BANP: variants seen among roughly 807,000 people sequenced by gnomAD.
BANP encodes BTG3 associated nuclear protein.
BANP carries 11 observed loss-of-function variants against 68.1 expected under a neutral mutation model. The ratio of observed to expected loss-of-function variants is 0.16; its 90% CI spans 0.10 to 0.27. The LOEUF is 0.27. BANP is among the 10% of genes least tolerant of loss of function. The pLI is 1.00. For synonymous variants in BANP, 329 were observed against 303.2 expected, an observed-to-expected ratio of 1.09 and a Z score of -0.88; for missense variants, 504 against 722.7, an observed-to-expected ratio of 0.70 and a Z score of 3.47.
intron 8 of BANP, among the ~76,000 whole-genome samples, chr16:88,032,479 G>A (rs1283393220): frequency 6.6e-6 from 1 of 152,214 alleles, no homozygotes; most frequent in Non-Finnish European, 1.5e-5. Flanking sequence ...TGGGATTACA[G>A]GTGTGAGCCA....
intron 11 of BANP, among the ~76,000 whole-genome samples, chr16:88,051,499 T>G (rs576615325): frequency 1.2e-4 from 19 of 152,292 alleles, no homozygotes; most frequent in Admixed American, 1.2e-3. Context: ...AGTAGGCACA[T>G]GGGAAGTGCG....
At chr16:87,956,289 C>T (rs2058039636) in intron 1 of BANP, among the ~76,000 whole-genome samples, 1 of 152,212 alleles carries the variant, frequency 6.6e-6, no homozygotes, top group African/African-American at 2.4e-5. Context: ...GGAAAGACTT[C>T]TTGGGGAAAG....
chr16:88,019,764 G>T lies in BANP; in HGVS notation c.895+1097G>T, dbSNP rs954790676. ...GGGCCAGCTGTTCCAGCAGGAAAGA[G>T]CCTTGCTCCTCTGGGAAGCACAGTG... is the stretch of plus-strand genomic sequence containing the variant. On this transcript the variant is annotated intron_variant, in intron 7 of 13. Coordinates refer to ENST00000682872, the MANE Select transcript of BANP (RefSeq NM_001386991.1). Among the ~76,000 whole-genome samples, 35 of 151,946 alleles carry T rather than the reference G, an allele frequency of 2.3e-4. 1 individual carries two copies. Among genetic ancestry groups the T allele is most frequent in the Middle Eastern group, 3.4e-3 (1 of 290 alleles).
chr16:88,058,153 G>A (rs1009009366), intron 11 of BANP, among the ~76,000 whole-genome samples: 2 of 152,192 alleles, frequency 1.3e-5, no homozygotes, highest in Non-Finnish European at 2.9e-5. Flanking sequence ...GCCCGTGCCT[G>A]GTTAAAACGT....
chr16:87,953,850 G>C (rs2057489642), intron 1 of BANP, among the ~76,000 whole-genome samples: 1 of 152,134 alleles, frequency 6.6e-6, no homozygotes, highest in South Asian at 2.1e-4. Flanking sequence ...TCTGTAGCTG[G>C]GTATGTTCAG....
chr16:87,986,603 G>GATGCTTTGGCCCAGGGTCCTC (rs1878106360), intron 4 of BANP, among the ~76,000 whole-genome samples: 3 of 152,200 alleles, frequency 2.0e-5, no homozygotes, highest in Admixed American at 1.3e-4. Flanking sequence ...CTCCTCTGGG[G>GATGCTTTGGCCCAGGGTCCTC]CTGCTTTGGC....
chr16:88,034,890 A>C (rs986904886), intron 9 of BANP, among the ~76,000 whole-genome samples: 2 of 152,176 alleles, frequency 1.3e-5, no homozygotes, highest in African/African-American at 4.8e-5. Flanking sequence ...ATTAGATGAG[A>C]AACTCCAGAA....
At chr16:88,040,595 C>G (rs1267203405) in intron 11 of BANP, among the ~76,000 whole-genome samples, 3 of 152,208 alleles carry the variant, frequency 2.0e-5, no homozygotes, top group African/African-American at 7.2e-5. Flanking sequence ...CCTCTCCTCC[C>G]CACCCCCATG....
At chr16:88,070,565 G>C (rs910250145) in intron 12 of BANP, among the ~76,000 whole-genome samples, 2 of 152,138 alleles carry the variant, frequency 1.3e-5, no homozygotes, top group Non-Finnish European at 2.9e-5. Context: ...TGGCTGGCAG[G>C]GTTGCCAGGC....
chr16:87,958,543 C>G (rs988199848), intron 1 of BANP, among the ~76,000 whole-genome samples: 1 of 152,054 alleles, frequency 6.6e-6, no homozygotes, highest in Non-Finnish European at 1.5e-5. Flanking sequence ...TTTTAAAAGG[C>G]CATCCACTGG....
At chr16:88,053,843 C>A (rs1410362563) in intron 11 of BANP, among the ~76,000 whole-genome samples, 8,415 of 106,416 alleles carry the variant, frequency 0.079, 9 homozygotes, top group Non-Finnish European at 0.13. Context: ...ACCTTAACAA[C>A]CACTACCACC....
chr16:87,956,247 T>C (rs762649930), intron 1 of BANP, among the ~76,000 whole-genome samples: 1 of 152,206 alleles, frequency 6.6e-6, no homozygotes, highest in Non-Finnish European at 1.5e-5. Flanking sequence ...GCCACTGCAA[T>C]CTAGAGAAAC....
intron 11 of BANP, among the ~76,000 whole-genome samples, chr16:88,061,140 A>G (rs1290314540): frequency 6.6e-6 from 1 of 152,156 alleles, no homozygotes; most frequent in Admixed American, 6.5e-5. Context: ...ATTGAGGTTC[A>G]TGCTGAAACG....
Position 88,018,040 on chromosome 16 carries a change from T to C in BANP, c.656-388T>C, listed in dbSNP as rs560242665. ...TGGGAGAGCATGGCTGGCAGTGAGG[T>C]GTGAGGGACCCCGGGGAGGGTTCCG... On this transcript the variant is annotated intron_variant, in intron 6 of 13. Coordinates refer to ENST00000682872, the MANE Select transcript of BANP (RefSeq NM_001386991.1). This position sits in a 1 kb window ranked among gnomAD's most constrained non-coding sequence, Gnocchi z 7.7. Among the ~76,000 whole-genome samples, 739 of 151,682 alleles carry C rather than the reference T, an allele frequency of 4.9e-3. 6 individuals carry two copies. The highest frequency in any genetic ancestry group is 0.012 in the African/African-American group (505 of 41,356).
At chr16:87,990,556 T>C (rs1198141801) in intron 4 of BANP, among the ~76,000 whole-genome samples, 4 of 152,232 alleles carry the variant, frequency 2.6e-5, no homozygotes, top group African/African-American at 4.8e-5. Flanking sequence ...GTCAAAATTA[T>C]AGCATTTCAT....
intron 1 of BANP, among the ~76,000 whole-genome samples, chr16:87,968,214 T>G (rs1235388174): frequency 6.6e-6 from 1 of 151,764 alleles, no homozygotes; most frequent in Non-Finnish European, 1.5e-5. Context: ...CTGGGTGCAG[T>G]GGCTCACCCC....
intron 7 of BANP, among the ~76,000 whole-genome samples, chr16:88,023,222 T>C (rs1246334353): frequency 3.3e-5 from 5 of 152,114 alleles, no homozygotes; most frequent in African/African-American, 7.2e-5. Context: ...AGAGCCTCCT[T>C]CTCAGCAGGT....
Position 88,057,190 on chromosome 16 carries a change from C to G in BANP, c.1312-8077C>G, listed in dbSNP as rs532523429. Reference sequence around the variant, plus strand: ...GGGCCTGCCGTGTTGTGGTGGGGAGCGACTTCACACAGCTGGCACGGGATG... The same window carrying G: ...GGGCCTGCCGTGTTGTGGTGGGGAGGGACTTCACACAGCTGGCACGGGATG... On this transcript the variant is annotated intron_variant, in intron 11 of 13. Transcript: ENST00000682872. The surrounding 1 kb of genome is among the most constrained non-coding windows in gnomAD (Gnocchi z 4.6). 6.6e-6 allele frequency among the ~76,000 whole-genome samples: 1 copy of G among 152,244 alleles called. No individual in the cohort carries two copies. The highest frequency in any genetic ancestry group is 6.5e-5 in the Admixed American group (1 of 15,302).
chr16:88,059,423 C>T (rs2152864244), intron 11 of BANP, among the ~76,000 whole-genome samples: 1 of 152,192 alleles, frequency 6.6e-6, no homozygotes, highest in East Asian at 1.9e-4. Flanking sequence ...TGGGTTCGGG[C>T]CCACCTGAGC....
Sources: allele counts gnomAD v4.1 joint callset (sites outside exome capture counted in the v4.1 genomes callset), GRCh38; gene constraint gnomAD v4.1.1; non-coding constraint Gnocchi (gnomAD v3.1); transcripts MANE v1.5; gene names NCBI Gene and HGNC (gene_info 2026-07-23, HGNC 2026-07-21).